The following KCNMB2 variants were observed in gnomAD, a reference collection of about 807,000 sequenced individuals.
The protein encoded by KCNMB2 is potassium calcium-activated channel subfamily M regulatory beta subunit 2.
In KCNMB2, 9 loss-of-function variants were observed where a neutral mutation model predicts 24.5. The ratio of observed to expected loss-of-function variants is 0.37; its 90% confidence interval spans 0.22 to 0.64. The LOEUF (loss-of-function observed/expected upper bound fraction) is 0.64. Ranked by LOEUF, KCNMB2 falls within the 30% of genes least tolerant of loss-of-function variation. KCNMB2 has a pLI of 0.63. For missense variants in KCNMB2, 226 were observed against 284.3 expected (o/e 0.79, Z 1.47); for synonymous variants, 109 against 104.4 (o/e 1.04, Z -0.27).
intron 1 of KCNMB2, among the ~76,000 whole-genome samples, chr3:178,625,149 C>T (rs1425129002): frequency 6.6e-6 from 1 of 152,096 alleles, no homozygotes; most frequent in Non-Finnish European, 1.5e-5. Flanking sequence ...ACCAGACCCA[C>T]ACACACAGTC....
intron 1 of KCNMB2, among the ~76,000 whole-genome samples, chr3:178,796,890 T>C (rs1178568409): frequency 1.3e-5 from 2 of 151,258 alleles, no homozygotes; most frequent in Admixed American, 6.6e-5. Context: ...AGAAAAGACA[T>C]AACAGAGAGC....
chr3:178,574,103 G>A (rs967886325), intron 1 of KCNMB2, among the ~76,000 whole-genome samples: 22 of 151,990 alleles, frequency 1.4e-4, no homozygotes, highest in Admixed American at 1.2e-3. Flanking sequence ...CTCTAAATTC[G>A]ACACCAAGAA....
intron 1 of KCNMB2, among the ~76,000 whole-genome samples, chr3:178,699,497 G>C (rs1722006513): frequency 6.6e-6 from 1 of 152,198 alleles, no homozygotes; most frequent in Admixed American, 6.5e-5. Context: ...ATAGGGGCTG[G>C]CTCACTGGAG....
intron 1 of KCNMB2, among the ~76,000 whole-genome samples, chr3:178,767,635 A>G (rs1425055643): frequency 6.6e-6 from 1 of 152,242 alleles, no homozygotes; most frequent in Non-Finnish European, 1.5e-5. Context: ...AGAATGCCAA[A>G]GGTAGAAACT....
At position 178,783,540 on chromosome 3, in the gene KCNMB2, T is replaced by A. The variant is rs561063617; in HGVS notation, c.-67-23803T>A. On this transcript the variant is annotated intron_variant, in intron 1 of 4. Coordinates refer to ENST00000452583, the MANE Select transcript of KCNMB2 (RefSeq NM_181361.3). ...GTAAGGTGGATTCCTAGGTATTTTA[T>A]TCTCTTTGAAGCAATTGTGAATGGG... 5.4e-5 allele frequency among the ~76,000 whole-genome samples: 8 copies of A among 149,480 alleles called. No individual in the cohort carries two copies. The East Asian group carries it at 1.4e-3, about 26-fold the overall frequency.
chr3:178,800,978 A>T (rs1282795939), intron 1 of KCNMB2, among the ~76,000 whole-genome samples: 2 of 152,178 alleles, frequency 1.3e-5, no homozygotes, highest in Non-Finnish European at 1.5e-5. Flanking sequence ...AAGTTAAAAC[A>T]ATTGAACTCA....
intron 1 of KCNMB2, among the ~76,000 whole-genome samples, chr3:178,754,788 C>T (rs139358241): frequency 6.6e-6 from 1 of 152,218 alleles, no homozygotes; most frequent in Non-Finnish European, 1.5e-5. Flanking sequence ...GAACTGAGTG[C>T]TCCCAGCTTC....
At chr3:178,569,455 T>C (rs1000279076) in intron 1 of KCNMB2, among the ~76,000 whole-genome samples, 10 of 152,112 alleles carry the variant, frequency 6.6e-5, no homozygotes, top group African/African-American at 2.4e-4. Flanking sequence ...AATTTCCAAA[T>C]GAAAAGGATG....
At chr3:178,759,847 T>C (rs1406062446) in intron 1 of KCNMB2, among the ~76,000 whole-genome samples, 7 of 34,260 alleles carry the variant, frequency 2.0e-4, no homozygotes, top group Admixed American at 5.6e-4. Context: ...TATATCTATA[T>C]ATATATATAT....
At chr3:178,821,096 C>T (rs1003384493) in intron 2 of KCNMB2, among the ~76,000 whole-genome samples, 2 of 152,216 alleles carry the variant, frequency 1.3e-5, no homozygotes, top group African/African-American at 4.8e-5. Flanking sequence ...ATTCTTCCTC[C>T]TGAGCTCTCC....
At chr3:178,716,270 C>T (rs895600139) in intron 1 of KCNMB2, among the ~76,000 whole-genome samples, 5 of 152,096 alleles carry the variant, frequency 3.3e-5, no homozygotes, top group African/African-American at 7.2e-5. Context: ...GTTTGCAATA[C>T]GTCAGGGTCT....
chr3:178,615,476 G>T (rs2108521050), intron 1 of KCNMB2, among the ~76,000 whole-genome samples: 1 of 152,354 alleles, frequency 6.6e-6, no homozygotes, highest in Non-Finnish European at 1.5e-5. Context: ...TGAGCTGGCA[G>T]TCAAATCACA....
intron 2 of KCNMB2, chr3:178,824,561 A>G (rs1315770712): frequency 6.1e-6 from 1 of 164,926 alleles, no homozygotes; most frequent in Non-Finnish European, 1.3e-5. Context: ...TTTTTAGTAG[A>G]GACGGGGTTT....
At chr3:178,842,104 A>G (rs1322097556) in intron 4 of KCNMB2, among the ~76,000 whole-genome samples, 1 of 152,214 alleles carries the variant, frequency 6.6e-6, no homozygotes, top group Non-Finnish European at 1.5e-5. Context: ...GTAATTCAAC[A>G]GAAGTGTAGC....
At chr3:178,726,155 C>T (rs906346215) in intron 1 of KCNMB2, among the ~76,000 whole-genome samples, 4 of 151,810 alleles carry the variant, frequency 2.6e-5, no homozygotes, top group African/African-American at 9.7e-5. Flanking sequence ...AGTCTACATA[C>T]AATCAATATT....
chr3:178,726,949 A>G (rs1722986306), intron 1 of KCNMB2, among the ~76,000 whole-genome samples: 1 of 151,784 alleles, frequency 6.6e-6, no homozygotes, highest in South Asian at 2.1e-4. Context: ...TTCTGTTGCG[A>G]TCACATTTTC....
At chr3:178,780,740 C>G (rs1272206078) in intron 1 of KCNMB2, among the ~76,000 whole-genome samples, 1 of 152,194 alleles carries the variant, frequency 6.6e-6, no homozygotes, top group Non-Finnish European at 1.5e-5. Flanking sequence ...CTTAACCTCC[C>G]TAAGCCTCAG....
intron 1 of KCNMB2, among the ~76,000 whole-genome samples, chr3:178,732,082 CAGAG>C (rs1723170421): frequency 6.6e-6 from 1 of 151,964 alleles, no homozygotes; most frequent in Non-Finnish European, 1.5e-5. Flanking sequence ...AGAAAAAAGA[CAGAG>C]AGAGGTCGAG....
At chr3:178,736,907 C>T (rs1235775092) in intron 1 of KCNMB2, among the ~76,000 whole-genome samples, 3 of 152,112 alleles carry the variant, frequency 2.0e-5, no homozygotes, top group African/African-American at 4.8e-5. Context: ...TATCAAAAAA[C>T]AGCAAAAGTT....
Sources: allele counts gnomAD v4.1 joint callset (sites outside exome capture counted in the v4.1 genomes callset), GRCh38; gene constraint gnomAD v4.1.1; transcripts MANE v1.5; gene names NCBI Gene and HGNC (gene_info 2026-07-23, HGNC 2026-07-21).